The following HS6ST3 variants were observed in gnomAD, a reference collection of about 807,000 sequenced individuals.
The protein encoded by HS6ST3 is heparan sulfate 6-O-sulfotransferase 3.
HS6ST3 carries 12 observed loss-of-function variants against 36.7 expected under a neutral mutation model. That is an observed-to-expected ratio of 0.33 (90% confidence interval 0.21 to 0.53). HS6ST3 has a LOEUF of 0.53. Among genes scored for constraint, HS6ST3 ranks in the 20% least tolerant of loss-of-function variants. The probability of loss-of-function intolerance (pLI) is 0.95; values close to 1 mark genes in which losing one functional copy is unlikely to be tolerated. For missense variants in HS6ST3, 584 were observed against 640.9 expected (o/e 0.91, Z 0.96); for synonymous variants, 240 against 257.5 (o/e 0.93, Z 0.65).
intron 1 of HS6ST3, among the ~76,000 whole-genome samples, chr13:96,187,645 A>G (rs535649577): frequency 1.3e-5 from 2 of 151,978 alleles, no homozygotes; most frequent in Non-Finnish European, 2.9e-5. Context: ...CAGTGACTCT[A>G]TGGCCAATTT....
At chr13:96,769,886 C>T (rs947970683) in intron 1 of HS6ST3, among the ~76,000 whole-genome samples, 1 of 152,006 alleles carries the variant, frequency 6.6e-6, no homozygotes, top group Non-Finnish European at 1.5e-5. Flanking sequence ...ATCATGCCAG[C>T]AATTTAAAAT....
intron 1 of HS6ST3, among the ~76,000 whole-genome samples, chr13:96,288,050 T>C (rs977487946): frequency 2.6e-4 from 40 of 152,270 alleles, no homozygotes; most frequent in African/African-American, 9.6e-4. Context: ...ATTTGGGAAC[T>C]TGTTAGAAGT....
intron 1 of HS6ST3, among the ~76,000 whole-genome samples, chr13:96,483,687 T>G (rs1397719847): frequency 6.6e-6 from 1 of 152,186 alleles, no homozygotes; most frequent in Non-Finnish European, 1.5e-5. Context: ...TTATGTTTCT[T>G]ACTTAAGAGA....
intron 1 of HS6ST3, among the ~76,000 whole-genome samples, chr13:96,660,425 GA>G (rs2056642372): frequency 6.6e-6 from 1 of 152,102 alleles, no homozygotes; most frequent in African/African-American, 2.4e-5. Context: ...ACACAATGAG[GA>G]AAGGATAGTC....
intron 1 of HS6ST3, among the ~76,000 whole-genome samples, chr13:96,750,008 G>T (rs942530036): frequency 3.3e-5 from 5 of 152,080 alleles, no homozygotes; most frequent in African/African-American, 1.2e-4. Context: ...TTAAATTGAA[G>T]AAGATATAGT....
chr13:96,558,545 C>T (rs2138953573), intron 1 of HS6ST3, among the ~76,000 whole-genome samples: 1 of 152,184 alleles, frequency 6.6e-6, no homozygotes, highest in East Asian at 1.9e-4. Context: ...TAATAATGTT[C>T]TGAAGAATTT....
intron 1 of HS6ST3, among the ~76,000 whole-genome samples, chr13:96,093,973 G>A (rs1315415688): frequency 6.6e-6 from 1 of 152,130 alleles, no homozygotes; most frequent in Non-Finnish European, 1.5e-5. Context: ...TTGATAAGTA[G>A]ATCTTGTTGA....
chr13:96,538,868 C>T (rs866813052), intron 1 of HS6ST3, among the ~76,000 whole-genome samples: 9 of 152,306 alleles, frequency 5.9e-5, no homozygotes, highest in African/African-American at 2.2e-4. Context: ...ACCATTTCCA[C>T]TCTTTCTTGG....
At chr13:96,092,414 T>C (rs1468657211) in intron 1 of HS6ST3, among the ~76,000 whole-genome samples, 1 of 152,182 alleles carries the variant, frequency 6.6e-6, no homozygotes, top group Non-Finnish European at 1.5e-5. Context: ...ATTAAGAAAG[T>C]TAAAAATCTT....
rs537121420 is a variant in HS6ST3, at chr13:96,663,628, C to T, written c.708-168862C>T. The stretch of plus-strand genomic sequence containing the variant: ...ACAAGTTAAATATAACTGTACCACA[C>T]AGCCCTGTTCCCACTTCTAGGAATT... On this transcript the variant is annotated intron_variant, in intron 1 of 1. Transcript: ENST00000376705. Among the ~76,000 whole-genome samples, 4 of 152,270 alleles carry T rather than the reference C, an allele frequency of 2.6e-5. No individual in the cohort carries two copies. In the South Asian group the frequency reaches 8.3e-4, roughly 32 times the overall value.
chr13:96,417,644 A>G (rs2055540653), intron 1 of HS6ST3, among the ~76,000 whole-genome samples: 1 of 149,574 alleles, frequency 6.7e-6, no homozygotes, highest in African/African-American at 2.4e-5. Context: ...ACACACAGAT[A>G]TATACATGTA....
At chr13:96,093,062 A>G (rs991707084) in intron 1 of HS6ST3, among the ~76,000 whole-genome samples, 1 of 152,236 alleles carries the variant, frequency 6.6e-6, no homozygotes, top group Non-Finnish European at 1.5e-5. Context: ...TCAGTGAGAC[A>G]CAATTTCTGC....
intron 1 of HS6ST3, among the ~76,000 whole-genome samples, chr13:96,697,867 G>A (rs1008215808): frequency 1.2e-4 from 18 of 151,980 alleles, no homozygotes; most frequent in African/African-American, 3.4e-4. Context: ...TGAAGACAAC[G>A]GTACAATGCC....
intron 1 of HS6ST3, among the ~76,000 whole-genome samples, chr13:96,614,816 T>C (rs2056468609): frequency 6.6e-6 from 1 of 152,212 alleles, no homozygotes; most frequent in Non-Finnish European, 1.5e-5. Flanking sequence ...ATTGACGTTT[T>C]GCCACAGTTT....
In HS6ST3 at chr13:96,786,999, C is replaced by T. The variant is rs146061756; in HGVS notation, c.708-45491C>T. On this transcript the variant is annotated intron_variant, in intron 1 of 1. Transcript: ENST00000376705. ...CATAATATGAATCCATTTGAAATGA[C>T]CTTTTTTCACATAGCATATTTCCCT... Among the ~76,000 whole-genome samples the T allele has an allele frequency of 3.9e-5, 6 of 152,250 alleles. No individual in the cohort carries two copies. The East Asian group carries it at 7.7e-4, about 20-fold the overall frequency.
At chr13:96,707,286 C>T (rs959955650) in intron 1 of HS6ST3, among the ~76,000 whole-genome samples, 6 of 152,202 alleles carry the variant, frequency 3.9e-5, no homozygotes, top group East Asian at 1.9e-4. Context: ...GGCAAGAAAG[C>T]GGCTGTCTGT....
At chr13:96,760,418 A>G (rs550966982) in intron 1 of HS6ST3, among the ~76,000 whole-genome samples, 3 of 152,076 alleles carry the variant, frequency 2.0e-5, no homozygotes, top group Admixed American at 6.5e-5. Flanking sequence ...GCTCCATTTT[A>G]CTTCTGCCTA....
chr13:96,332,317 A>G (rs1377151981), intron 1 of HS6ST3, among the ~76,000 whole-genome samples: 1 of 152,202 alleles, frequency 6.6e-6, no homozygotes, highest in Non-Finnish European at 1.5e-5. Flanking sequence ...ATTTGGAGGT[A>G]TATGGCTCTT....
chr13:96,299,141 A>T (rs752732280), intron 1 of HS6ST3, among the ~76,000 whole-genome samples: 6 of 152,182 alleles, frequency 3.9e-5, no homozygotes, highest in Non-Finnish European at 8.8e-5. Context: ...GGCACAGGGA[A>T]ATTCAAAGAC....
Sources: allele counts gnomAD v4.1 joint callset (sites outside exome capture counted in the v4.1 genomes callset), GRCh38; gene constraint gnomAD v4.1.1; transcripts MANE v1.5; gene names NCBI Gene and HGNC (gene_info 2026-07-23, HGNC 2026-07-21).